The following PDE4B variants were observed in gnomAD, a reference collection of about 807,000 sequenced individuals.
The protein encoded by PDE4B is phosphodiesterase 4B, also known as 3',5'-cyclic-AMP phosphodiesterase 4B.
A neutral mutation model predicts 82.2 loss-of-function variants in PDE4B; 20 were observed. That is an observed-to-expected ratio of 0.24 (90% CI 0.17 to 0.35). The LOEUF is 0.35. Ranked by LOEUF, PDE4B falls within the 10% of genes least tolerant of loss-of-function variation. The pLI is 1.00. For synonymous variants in PDE4B, 320 were observed against 318.9 expected (o/e 1.00, Z -0.04); for missense variants, 655 against 907.2 (o/e 0.72, Z 3.57).
chr1:65,855,142 GATATT>G (rs200109700), intron 1 of PDE4B, among the ~76,000 whole-genome samples: 45 of 150,280 alleles, frequency 3.0e-4, no homozygotes, highest in African/African-American at 8.3e-4. Flanking sequence ...TATTTAAGCA[GATATT>G]ATATTATATT....
chr1:66,185,081 C>T (rs1368128126), intron 3 of PDE4B, among the ~76,000 whole-genome samples: 1 of 151,978 alleles, frequency 6.6e-6, no homozygotes, highest in Non-Finnish European at 1.5e-5. Flanking sequence ...TAAGTGAGAA[C>T]ATGCGGTGTT....
chr1:66,325,129 G>A (rs1433188958), intron 7 of PDE4B, among the ~76,000 whole-genome samples: 1 of 152,092 alleles, frequency 6.6e-6, no homozygotes, highest in Non-Finnish European at 1.5e-5. Context: ...GGAAGGAACC[G>A]AAGAATGGAG....
At chr1:65,926,801 A>C (rs2997085) in intron 3 of PDE4B, among the ~76,000 whole-genome samples, 9,750 of 151,572 alleles carry the variant, frequency 0.064, 344 homozygotes, top group South Asian at 0.12. Flanking sequence ...ACACACACAC[A>C]CCCCTTAGGC....
At chr1:65,970,162 G>A (rs915785906) in intron 3 of PDE4B, among the ~76,000 whole-genome samples, 1 of 150,132 alleles carries the variant, frequency 6.7e-6, no homozygotes, top group Non-Finnish European at 1.5e-5. Context: ...TGATTTAGTG[G>A]TTTAAAATAT....
chr1:66,169,274 G>T (rs749649045), intron 3 of PDE4B, among the ~76,000 whole-genome samples: 4 of 152,144 alleles, frequency 2.6e-5, no homozygotes, highest in Admixed American at 6.6e-5. Context: ...TGATTTCAGT[G>T]GCCTTTAAGT....
intron 3 of PDE4B, among the ~76,000 whole-genome samples, chr1:65,948,009 A>G (rs1648798064): frequency 1.3e-5 from 2 of 148,358 alleles, no homozygotes. Context: ...ATATACATAA[A>G]TATATATAAT....
At position 66,218,004 on chromosome 1, in the gene PDE4B, GACA is replaced by G. The variant is rs367792113; in HGVS notation, c.282-29452_282-29450del. Among the ~76,000 whole-genome samples, 17 of 152,224 alleles carry G rather than the reference GACA, an allele frequency of 1.1e-4. No individual in the cohort carries two copies. The East Asian group carries it at 1.9e-3, about 17-fold the overall frequency. On this transcript the variant is annotated intron_variant, in intron 3 of 16. Transcript: ENST00000341517. ...AAATGTGTTATAGAAAGATTAAGCT[GACA>G]ACATTATAGCAGATGATTTGATGGA...
chr1:66,105,223 C>A (rs1302395341), intron 3 of PDE4B, among the ~76,000 whole-genome samples: 1 of 143,756 alleles, frequency 7.0e-6, no homozygotes, highest in African/African-American at 2.5e-5. Context: ...TTGTTTTTGT[C>A]ATGTTTGTCA....
At chr1:65,961,177 T>C (rs1649524910) in intron 3 of PDE4B, among the ~76,000 whole-genome samples, 2 of 152,080 alleles carry the variant, frequency 1.3e-5, no homozygotes, top group South Asian at 4.1e-4. Flanking sequence ...GGCTAGAGAA[T>C]GGTGGAGGCT....
chr1:66,041,639 A>G lies in PDE4B; in HGVS notation c.281+122804A>G, dbSNP rs190450153. 2.7e-3 allele frequency among the ~76,000 whole-genome samples: 412 copies of G among 152,006 alleles called. 19 individuals carry two copies. Among genetic ancestry groups the G allele is most frequent in the Admixed American group, 0.027 (405 of 15,200 alleles). On this transcript the variant is annotated intron_variant, in intron 3 of 16. Coordinates refer to ENST00000341517, the MANE Select transcript of PDE4B (RefSeq NM_002600.4). Reference sequence around the variant, plus strand: ...TATAGGAAGCATGGCCAGTTGCAGGATGAAGTCAAAGATAGCTGTCTCTGC... The same window carrying G: ...TATAGGAAGCATGGCCAGTTGCAGGGTGAAGTCAAAGATAGCTGTCTCTGC...
intron 3 of PDE4B, among the ~76,000 whole-genome samples, chr1:66,054,142 T>G (rs1222209618): frequency 6.6e-6 from 1 of 152,178 alleles, no homozygotes; most frequent in Non-Finnish European, 1.5e-5. Flanking sequence ...TGCTTTTATA[T>G]TTCCATCATG....
intron 1 of PDE4B, among the ~76,000 whole-genome samples, chr1:65,829,320 C>T (rs530697858): frequency 6.6e-6 from 1 of 152,158 alleles, no homozygotes; most frequent in South Asian, 2.1e-4. Flanking sequence ...AGCAAAACTA[C>T]CAGATTTGAA....
chr1:66,237,783 G>T (rs920772919), intron 3 of PDE4B, among the ~76,000 whole-genome samples: 1 of 152,172 alleles, frequency 6.6e-6, no homozygotes, highest in Non-Finnish European at 1.5e-5. Flanking sequence ...GGAGGTTATT[G>T]TTGGTGTTTA....
At chr1:65,809,218 C>T (rs1434068007) in intron 1 of PDE4B, among the ~76,000 whole-genome samples, 4 of 150,916 alleles carry the variant, frequency 2.7e-5, no homozygotes, top group African/African-American at 9.8e-5. Flanking sequence ...GTAATCCCAG[C>T]TACTTGGGAG....
At chr1:66,141,500 T>C (rs1646172108) in intron 3 of PDE4B, among the ~76,000 whole-genome samples, 1 of 151,832 alleles carries the variant, frequency 6.6e-6, no homozygotes, top group Non-Finnish European at 1.5e-5. Context: ...TTTTCTCAGA[T>C]TGGATGAATT....
chr1:65,980,932 A>T (rs543140139), intron 3 of PDE4B, among the ~76,000 whole-genome samples: 1 of 152,308 alleles, frequency 6.6e-6, no homozygotes, highest in African/African-American at 2.4e-5. Flanking sequence ...CCAAAAATAA[A>T]ATAAAAGAAA....
chr1:66,187,229 G>T (rs1647266051), intron 3 of PDE4B, among the ~76,000 whole-genome samples: 1 of 151,816 alleles, frequency 6.6e-6, no homozygotes, highest in Admixed American at 6.6e-5. Context: ...GCTGGATTCA[G>T]TTTGCCAGTA....
chr1:66,032,518 A>G (rs533397432), intron 3 of PDE4B, among the ~76,000 whole-genome samples: 17 of 152,190 alleles, frequency 1.1e-4, no homozygotes, highest in Non-Finnish European at 2.4e-4. Flanking sequence ...ATCTTCTTTG[A>G]CAGTATGTGC....
intron 1 of PDE4B, among the ~76,000 whole-genome samples, chr1:65,872,332 A>C (rs1271832701): frequency 6.6e-6 from 1 of 152,144 alleles, no homozygotes; most frequent in Non-Finnish European, 1.5e-5. Flanking sequence ...CAAATAATGA[A>C]CTGCAGTCAG....
Sources: gnomAD v4.1 joint callset for allele counts (sites outside exome capture counted in the v4.1 genomes callset) on GRCh38, gnomAD v4.1.1 for gene constraint, MANE v1.5 for transcripts, NCBI Gene and HGNC (gene_info 2026-07-23, HGNC 2026-07-21) for gene names.